TUBGCP5: variants seen among roughly 807,000 people sequenced by gnomAD.
TUBGCP5 encodes gamma-tubulin complex component 5.
A neutral mutation model predicts 134.7 loss-of-function variants in TUBGCP5; 98 were observed. That is an observed-to-expected ratio of 0.73 (90% CI 0.62 to 0.86). TUBGCP5 has a LOEUF of 0.86. Ranked by LOEUF, TUBGCP5 falls within the 40% of genes least tolerant of loss-of-function variation. The pLI is 0.00. For missense variants in TUBGCP5, 1,150 were observed against 1,244.8 expected (o/e 0.92, Z 1.15); for synonymous variants, 456 against 431.4 (o/e 1.06, Z -0.71).
intron 23 of TUBGCP5, among the ~76,000 whole-genome samples, chr15:22,989,003 C>T (rs1337370587): frequency 2.0e-5 from 3 of 152,052 alleles, no homozygotes; most frequent in Non-Finnish European, 1.5e-5. Flanking sequence ...TCCTCAAAGC[C>T]CTCAGCTGGC....
Position 23,021,959 on chromosome 15 carries a change from G to C in TUBGCP5, c.1371C>G (p.Thr457=), listed in dbSNP as rs1307787702. 3 of 1,614,006 alleles carry C rather than the reference G, an allele frequency of 1.9e-6. No homozygotes were observed. In the East Asian group the frequency reaches 6.7e-5, roughly 36 times the overall value. The part of the protein sequence containing the change: ...YDNVGEASEQ[T]VSLLFSLWVE... ...CACTTTAGGCAGAAGTCTCACTTAC[G>C]GTTTGCTCAGAGGCTTCTCCAACAT... The change falls in exon 11 of 23, where the codon ACC becomes ACG. Residue 457 remains threonine, a splice_region_variant and synonymous_variant. Transcript: ENST00000615383.
chr15:22,997,449 G>A (rs200845195), downstream of TUBGCP5, among the ~76,000 whole-genome samples: 8 of 151,868 alleles, frequency 5.3e-5, no homozygotes, highest in East Asian at 1.2e-3. Flanking sequence ...CAAAGTGCTG[G>A]GACTGCAGGC....
chr15:23,032,790 A>C lies in TUBGCP5; in HGVS notation c.344T>G (p.Leu115Arg). Residue 115 changes from leucine (L) to arginine (R), a missense_variant, in exon 4 of 23, where the codon CTG becomes CGG. Transcript: ENST00000615383. The part of the protein sequence containing the change: ...DAHYSILSLL[L>R]CLSDSPSNSS... ...GTTTGAAGGAGAGTCTGACAGACAC[A>C]GAAGAAGTGACAGTATGGAATAATG... 1 of 1,594,772 alleles carries C rather than the reference A, an allele frequency of 6.3e-7. No homozygotes were observed. The highest frequency in any genetic ancestry group is 1.1e-5 in the South Asian group (1 of 87,092).
chr15:22,992,552 T>C (rs2063881412), intron 23 of TUBGCP5, among the ~76,000 whole-genome samples: 1 of 152,112 alleles, frequency 6.6e-6, no homozygotes, highest in Non-Finnish European at 1.5e-5. Flanking sequence ...CTTGGACTGA[T>C]ACAGATTTTG....
chr15:22,997,816 C>T (rs1482708605), downstream of TUBGCP5, among the ~76,000 whole-genome samples: 5 of 151,098 alleles, frequency 3.3e-5, no homozygotes, highest in East Asian at 1.0e-3. Flanking sequence ...CAAGGTTTCA[C>T]CACATTGGTC....
At position 23,005,397 on chromosome 15, in the gene TUBGCP5, A is replaced by G. The variant is rs1193710263; in HGVS notation, c.2712+35T>C. On this transcript the variant is annotated intron_variant, in intron 19 of 22. Coordinates refer to ENST00000615383, the MANE Select transcript of TUBGCP5 (RefSeq NM_052903.6). Reference sequence around the variant, plus strand: ...CTCTACGAACAACTGTATAGATACGACGATAGAACTGAAGCAGATGGGAGA... The same window carrying G: ...CTCTACGAACAACTGTATAGATACGGCGATAGAACTGAAGCAGATGGGAGA... 3 of 1,606,850 alleles carry G rather than the reference A, an allele frequency of 1.9e-6. No individual in the cohort carries two copies. In the African/African-American group the frequency reaches 4.0e-5, roughly 21 times the overall value.
intron 10 of TUBGCP5, 176 bp downstream of exon 10, chr15:23,023,771 G>T (rs2065839747): frequency 5.3e-6 from 3 of 563,428 alleles, no homozygotes; most frequent in East Asian, 3.5e-5. Context: ...GTAGTTTTTT[G>T]ATTTTTAGAG....
Position 23,039,429 on chromosome 15 carries a change from G to C in TUBGCP5, c.115C>G (p.Leu39Val), listed in dbSNP as rs765406124. The stretch of plus-strand genomic sequence containing the variant: ...TTGGACCAGGCGAAGTTTAGGGCGA[G>C]CTGGAAGTTGGGGTCTGCCTCGTCC... ...LQDEADPNFQ[L>V]ALNFAWSNFR... The change falls in exon 1 of 23, where the codon CTC (leucine) becomes GTC (valine). Residue 39 changes from leucine to valine, a missense_variant. Transcript: ENST00000615383. 2.6e-6 allele frequency: 4 copies of C among 1,530,534 alleles called. No homozygotes were observed. Among genetic ancestry groups the C allele is most frequent in the Non-Finnish European group, 3.5e-6 (4 of 1,133,550 alleles). 94.8% of individuals were successfully genotyped at this position (1,530,534 alleles called of 1,614,324 possible).
At chr15:22,989,310 G>A (rs1270235119) in intron 23 of TUBGCP5, among the ~76,000 whole-genome samples, 1 of 152,154 alleles carries the variant, frequency 6.6e-6, no homozygotes, top group East Asian at 1.9e-4. Context: ...ATTGAATCCG[G>A]CCCAGCTGGA....
At chr15:23,007,900 TGA>T (rs2064818309) in intron 16 of TUBGCP5, among the ~76,000 whole-genome samples, 2 of 152,026 alleles carry the variant, frequency 1.3e-5, no homozygotes, top group Non-Finnish European at 2.9e-5. Flanking sequence ...GGAGTGAGGC[TGA>T]GAGACACAGA....
At chr15:23,030,654 A>G (rs1270073006) in intron 6 of TUBGCP5, among the ~76,000 whole-genome samples, 1 of 151,770 alleles carries the variant, frequency 6.6e-6, no homozygotes, top group Admixed American at 6.6e-5. Flanking sequence ...TCTCAGAAGT[A>G]TAGGAAAAAA....
intron 23 of TUBGCP5, among the ~76,000 whole-genome samples, chr15:22,994,056 G>A (rs758673567): frequency 1.3e-5 from 2 of 151,998 alleles, no homozygotes; most frequent in Non-Finnish European, 2.9e-5. Context: ...GATTAAGGGT[G>A]TGTCTCACAG....
rs1337881875 is a variant in TUBGCP5, at chr15:22,984,902, A to C, written c.*62-1291T>G. Among the ~76,000 whole-genome samples the C allele has an allele frequency of 2.0e-5, 3 of 152,216 alleles. 1 individual carries two copies. Among genetic ancestry groups the C allele is most frequent in the Admixed American group, 1.3e-4 (2 of 15,278 alleles). Reference sequence around the variant, plus strand: ...ATAAATTGATTTGATCGAAATTTAAAACTTCTCATCAAAAGAATGTTAAAA... The same window carrying C: ...ATAAATTGATTTGATCGAAATTTAACACTTCTCATCAAAAGAATGTTAAAA... On this transcript the variant is annotated intron_variant and NMD_transcript_variant, in intron 23 of 23. Coordinates refer to the TUBGCP5 transcript ENST00000614508.
intron 11 of TUBGCP5, 90 bp from the exon 12 acceptor site, chr15:23,019,424 A>C: frequency 1.3e-6 from 1 of 794,990 alleles, no homozygotes; most frequent in Non-Finnish European, 2.1e-6. Flanking sequence ...TGCCTTTAAA[A>C]AAGTGATCGG....
downstream of TUBGCP5, among the ~76,000 whole-genome samples, chr15:22,994,935 G>A (rs545275151): frequency 1.8e-4 from 27 of 152,022 alleles, no homozygotes; most frequent in South Asian, 1.0e-3. Flanking sequence ...GCAACATAGC[G>A]AGACCCCATC....
downstream of TUBGCP5, among the ~76,000 whole-genome samples, chr15:22,995,215 G>GC (rs1368269551): frequency 6.6e-6 from 1 of 151,946 alleles, no homozygotes; most frequent in Non-Finnish European, 1.5e-5. Flanking sequence ...TTGCACTCCA[G>GC]CCTGGGGGAC....
chr15:23,011,662 G>A (rs899361954), intron 13 of TUBGCP5, among the ~76,000 whole-genome samples: 3 of 148,770 alleles, frequency 2.0e-5, no homozygotes, highest in Non-Finnish European at 4.5e-5. Flanking sequence ...GTGCCACCAC[G>A]CCCGGCTAAT....
intron 11 of TUBGCP5, among the ~76,000 whole-genome samples, chr15:23,021,259 C>T: frequency 6.6e-6 from 1 of 152,220 alleles, no homozygotes; most frequent in South Asian, 2.1e-4. Flanking sequence ...GCGTGAGCCA[C>T]TATGCATGGC....
intron 13 of TUBGCP5, 34 bp from the exon 14 acceptor site, chr15:23,011,365 GTTCTGTTTAATCATATTAAGTAACA>G (rs1047456111): frequency 5.2e-6 from 8 of 1,527,076 alleles, no homozygotes; most frequent in Middle Eastern, 3.5e-4. Context: ...GGTGAACTAA[GTTCTGTTTAATCATATTAAGTAACA>G]TTCTGTTTAA....
Sources: allele counts gnomAD v4.1 joint callset (sites outside exome capture counted in the v4.1 genomes callset), GRCh38; gene constraint gnomAD v4.1.1; transcripts MANE v1.5; gene names NCBI Gene and HGNC (gene_info 2026-07-23, HGNC 2026-07-21).